The following EPC1 variants were observed in gnomAD, a reference collection of about 807,000 sequenced individuals.
The protein encoded by EPC1 is enhancer of polycomb homolog 1.
Under a neutral mutation model 98.4 loss-of-function variants are expected in EPC1, and 12 were observed. The ratio of observed to expected loss-of-function variants is 0.12; its 90% CI spans 0.08 to 0.20. The LOEUF is 0.20. Ranked by LOEUF, EPC1 falls within the 10% of genes least tolerant of loss-of-function variation. EPC1 has a pLI of 1.00. For missense variants in EPC1, 729 were observed against 990.5 expected (o/e 0.74, Z 3.54); for synonymous variants, 357 against 363.9 (o/e 0.98, Z 0.21).
At chr10:32,336,398 G>A (rs560087829) in intron 1 of EPC1, among the ~76,000 whole-genome samples, 1 of 151,996 alleles carries the variant, frequency 6.6e-6, no homozygotes, top group East Asian at 1.9e-4. Context: ...CTTCATCCCT[G>A]TCTTCCTCCT....
chr10:32,346,723 C>T (rs747752930), intron 1 of EPC1, 40 bp downstream of exon 1: 3 of 1,580,062 alleles, frequency 1.9e-6, no homozygotes, highest in Non-Finnish European at 2.6e-6. Context: ...GCAGAGGGAG[C>T]GGGCCTGACG....
chr10:32,322,990 C>G (rs1482916023), intron 1 of EPC1, among the ~76,000 whole-genome samples: 3 of 151,764 alleles, frequency 2.0e-5, no homozygotes, highest in East Asian at 3.9e-4. Context: ...ATGAGTGGAA[C>G]TGGAATGTTC....
rs180985949 is a variant in EPC1, at chr10:32,323,975, G to C, written c.154-18044C>G. Among the ~76,000 whole-genome samples, 83 of 151,892 alleles carry C rather than the reference G, an allele frequency of 5.5e-4. 1 individual carries two copies. In the East Asian group the frequency reaches 0.016, roughly 29 times the overall value. ...TTTTGAGACAGAGTCTCGCTCTGTC[G>C]CCCAGGCTGGAGAGCAGTGGCGCGA... On this transcript the variant is annotated intron_variant, in intron 1 of 13. Transcript: ENST00000319778.
Position 32,346,919 on chromosome 10 carries a change from A to G in EPC1, c.-4T>C. On this transcript the variant is annotated 5_prime_UTR_variant, in exon 1 of 14. An upstream open reading frame in the 5' UTR loses its in-frame stop. Transcript: ENST00000319778. ...CCCGAAACGACAGTTTACTCATCTC[A>G]GGCGCAGCAGATACCTCTCCGCTCT... The G allele has an allele frequency of 6.2e-7, 1 of 1,613,108 alleles. No individual in the cohort carries two copies. The highest frequency in any genetic ancestry group is 8.5e-7 in the Non-Finnish European group (1 of 1,179,936).
intron 2 of EPC1, among the ~76,000 whole-genome samples, chr10:32,301,767 C>A (rs1402559098): frequency 6.6e-6 from 1 of 152,066 alleles, no homozygotes; most frequent in Non-Finnish European, 1.5e-5. Context: ...TTGCTCTATT[C>A]AAAAATTAAC....
chr10:32,361,589 A>G (rs75976731), intron 1 of EPC1, among the ~76,000 whole-genome samples: 2,816 of 152,230 alleles, frequency 0.018, 82 homozygotes, highest in African/African-American at 0.061. Context: ...TCATTTAGAA[A>G]TGCAATTATA....
Position 32,363,656 on chromosome 10 carries a change from T to C in EPC1, c.3+14835A>G, listed in dbSNP as rs918911661. The stretch of plus-strand genomic sequence containing the variant: ...TTTCTCTTTCAATTCACAAAAATAC[T>C]AGTGTGCACACACATGTATATATAC... On this transcript the variant is annotated intron_variant, in intron 1 of 13. Transcript: ENST00000375110. 9.1e-5 allele frequency among the ~76,000 whole-genome samples: 11 copies of C among 121,326 alleles called. No homozygotes were observed. The South Asian group carries it at 1.1e-3, about 12-fold the overall frequency. The allele number at this position is 121,326 out of a possible 152,430, so 79.6% of individuals were successfully genotyped here.
chr10:32,334,103 G>C (rs1837806502), intron 1 of EPC1, among the ~76,000 whole-genome samples: 1 of 152,212 alleles, frequency 6.6e-6, no homozygotes, highest in Admixed American at 6.5e-5. Flanking sequence ...GAGCAGGGGT[G>C]AATTACACCT....
chr10:32,302,545 G>A lies in EPC1; in HGVS notation c.313+3227C>T, dbSNP rs531708887. Among the ~76,000 whole-genome samples, 186 of 151,836 alleles carry A rather than the reference G, an allele frequency of 1.2e-3. 2 individuals carry two copies. Among genetic ancestry groups the A allele is most frequent in the African/African-American group, 4.3e-3 (176 of 41,378 alleles). ...CGCGCCAGTAGTCCCAGCTACTCGG[G>A]AGGCTGAAGCAGAAGAATTGCTTCA... On this transcript the variant is annotated intron_variant, in intron 2 of 13. Transcript: ENST00000319778.
intron 1 of EPC1, among the ~76,000 whole-genome samples, chr10:32,334,580 A>T (rs1381342675): frequency 6.6e-6 from 1 of 152,236 alleles, no homozygotes; most frequent in Non-Finnish European, 1.5e-5. Context: ...TGAACAAAAA[A>T]AGTACAACAT....
intron 1 of EPC1, among the ~76,000 whole-genome samples, chr10:32,357,932 G>A (rs1839327352): frequency 7.1e-6 from 1 of 141,124 alleles, no homozygotes; most frequent in Admixed American, 7.5e-5. Context: ...TCCACTCACT[G>A]CAACCTCCAC....
chr10:32,350,204 A>G (rs1839072305), upstream of EPC1, among the ~76,000 whole-genome samples: 1 of 152,230 alleles, frequency 6.6e-6, no homozygotes, highest in South Asian at 2.1e-4. Context: ...GATTTGGAGT[A>G]TTTAAGATAG....
At chr10:32,346,302 G>C (rs561675143) in intron 1 of EPC1, among the ~76,000 whole-genome samples, 2 of 152,134 alleles carry the variant, frequency 1.3e-5, no homozygotes. Context: ...CTCCCGGCCC[G>C]GGCAGCGGCG....
In EPC1 at chr10:32,346,892, C is replaced by T. The variant is rs748853766; in HGVS notation, c.24G>A (p.Ala8=). 1 of 1,614,046 alleles carries T rather than the reference C, an allele frequency of 6.2e-7. No homozygotes were observed. Among genetic ancestry groups the T allele is most frequent in the Admixed American group, 1.7e-5 (1 of 60,030 alleles). The change falls in exon 1 of 14, where the codon GCG becomes GCA. Residue 8 remains alanine (A), a synonymous_variant. Coordinates refer to ENST00000319778, the MANE Select transcript of EPC1 (RefSeq NM_001272004.3). Reference sequence around the variant, plus strand: ...GCGGCTTCGAGGCGTCTAGCGCCCGCGCCCGAAACGACAGTTTACTCATCT... The same window carrying T: ...GCGGCTTCGAGGCGTCTAGCGCCCGTGCCCGAAACGACAGTTTACTCATCT... MSKLSFR[A]RALDASKPLP...
chr10:32,281,980 T>G (rs987147706), intron 10 of EPC1: 1 of 117,716 alleles, frequency 8.5e-6, no homozygotes, highest in African/African-American at 2.8e-5. Context: ...CTAAATTTTG[T>G]TTTTTTTTTC....
At position 32,364,001 on chromosome 10, in the gene EPC1, C is replaced by CCTTTTTTTTTTTTTTTTTTTTTTT. The variant is rs770520611; in HGVS notation, c.3+14489_3+14490insAAAAAAAAAAAAAAAAAAAAAAAG. Among the ~76,000 whole-genome samples, 44 of 61,840 alleles carry CCTTTTTTTTTTTTTTTTTTTTTTT rather than the reference C, an allele frequency of 7.1e-4. 22 individuals are homozygous for CCTTTTTTTTTTTTTTTTTTTTTTT. The highest frequency in any genetic ancestry group is 8.0e-4 in the Non-Finnish European group (26 of 32,534). The allele number at this position is 61,840 out of a possible 152,430, so 40.6% of individuals were successfully genotyped here. ...AATAGTATCGTGTCCATCATGTTGG[C>CCTTTTTTTTTTTTTTTTTTTTTTT]ATTTTTTTTTTTTTTTTTTTTTTTT... On this transcript the variant is annotated intron_variant, in intron 1 of 13. Coordinates refer to the EPC1 transcript ENST00000375110.
chr10:32,296,946 CT>C (rs1286365068), intron 2 of EPC1, among the ~76,000 whole-genome samples: 1 of 151,734 alleles, frequency 6.6e-6, no homozygotes, highest in Non-Finnish European at 1.5e-5. Flanking sequence ...AGTACCCAAT[CT>C]TGTTCATATA....
At chr10:32,331,621 C>G (rs977016592) in intron 1 of EPC1, among the ~76,000 whole-genome samples, 42 of 151,280 alleles carry the variant, frequency 2.8e-4, no homozygotes, top group African/African-American at 9.2e-4. Flanking sequence ...ATAAACTATC[C>G]AAAGTAAAAA....
intron 2 of EPC1, among the ~76,000 whole-genome samples, chr10:32,294,098 T>A (rs1428152876): frequency 6.6e-6 from 1 of 152,212 alleles, no homozygotes; most frequent in Non-Finnish European, 1.5e-5. Flanking sequence ...AATCATCACA[T>A]AGGCAATTTT....
Sources: gnomAD v4.1 joint callset for allele counts (sites outside exome capture counted in the v4.1 genomes callset) on GRCh38, gnomAD v4.1.1 for gene constraint, MANE v1.5 for transcripts, NCBI Gene and HGNC (gene_info 2026-07-23, HGNC 2026-07-21) for gene names.